CCDC93: variants seen among roughly 807,000 people sequenced by gnomAD.
CCDC93 encodes CCC complex scaffolding subunit CCDC93.
CCDC93 carries 61 observed loss-of-function variants against 108.2 expected under a neutral mutation model. The ratio of observed to expected loss-of-function variants is 0.56; its 90% CI spans 0.46 to 0.70. The LOEUF is 0.70. Among genes scored for constraint, CCDC93 ranks in the 30% least tolerant of loss-of-function variants. The probability of loss-of-function intolerance (pLI) is 0.00; values close to 1 mark genes in which losing one functional copy is unlikely to be tolerated. For synonymous variants in CCDC93, 276 were observed against 260.4 expected, an observed-to-expected ratio of 1.06 and a Z score of -0.58; for missense variants, 685 against 764.2, an observed-to-expected ratio of 0.90 and a Z score of 1.22.
At chr2:117,967,766 C>T (rs528141313) in intron 11 of CCDC93, among the ~76,000 whole-genome samples, 1 of 152,244 alleles carries the variant, frequency 6.6e-6, no homozygotes, top group South Asian at 2.1e-4. Context: ...TATAGAGCAC[C>T]AACACTGGTG....
chr2:118,013,311 C>T (rs889016828), intron 1 of CCDC93, among the ~76,000 whole-genome samples: 1 of 152,244 alleles, frequency 6.6e-6, no homozygotes, highest in Non-Finnish European at 1.5e-5. Flanking sequence ...GAGCCGGGTC[C>T]CCCGCCACAC....
chr2:117,935,436 G>A (rs1678490764), intron 22 of CCDC93, 59 bp downstream of exon 22: 3 of 1,310,758 alleles, frequency 2.3e-6, no homozygotes, highest in South Asian at 2.4e-5. Context: ...TTCTTCCCAG[G>A]ACCTTCCCTG....
chr2:117,926,703 G>A (rs1355054079), intron 23 of CCDC93, among the ~76,000 whole-genome samples: 3 of 152,166 alleles, frequency 2.0e-5, no homozygotes, highest in African/African-American at 7.2e-5. Context: ...AGGAGGAGCT[G>A]GTACCATTCC....
chr2:117,920,579 A>G (rs1056263348), intron 23 of CCDC93, among the ~76,000 whole-genome samples, 183 bp from the exon 24 acceptor site: 4 of 152,238 alleles, frequency 2.6e-5, no homozygotes, highest in African/African-American at 9.6e-5. Flanking sequence ...CAACACCAAT[A>G]TAACTATAAT....
intron 22 of CCDC93, among the ~76,000 whole-genome samples, chr2:117,933,105 G>A (rs554887022): frequency 1.3e-5 from 2 of 152,340 alleles, no homozygotes; most frequent in African/African-American, 4.8e-5. Flanking sequence ...GCCACTCACT[G>A]TGTATCCTTG....
Position 118,006,758 on chromosome 2 carries a change from A to G in CCDC93, c.215T>C (p.Leu72Ser). The G allele has an allele frequency of 1.2e-6, 2 of 1,612,784 alleles. No homozygotes were observed. Among genetic ancestry groups the G allele is most frequent in the Admixed American group, 3.3e-5 (2 of 60,030 alleles). The change falls in exon 3 of 24, where the codon TTG becomes TCG. Residue 72 changes from leucine to serine, a missense_variant. Coordinates refer to ENST00000376300, the MANE Select transcript of CCDC93 (RefSeq NM_019044.5). ...TATCGTAGAGTTTTCTTGAAAGAGC[A>G]AATCAACATCTACATCAAAGTTGCA... Reference protein sequence around the residue: ...TTCNFDVDVDLLFQENSTIGQ... With the variant: ...TTCNFDVDVDSLFQENSTIGQ...
At chr2:117,945,733 A>G in intron 16 of CCDC93, 151 bp from the exon 17 acceptor site, 1 of 651,514 alleles carries the variant, frequency 1.5e-6, no homozygotes, top group Non-Finnish European at 2.7e-6. Context: ...TGAAGAGAGC[A>G]GAAAGGGAAC....
intron 6 of CCDC93, among the ~76,000 whole-genome samples, chr2:117,994,820 G>C (rs534145213): frequency 1.3e-5 from 2 of 152,206 alleles, no homozygotes; most frequent in East Asian, 3.8e-4. Flanking sequence ...TTTCAGGAGA[G>C]AGAGACTGTG....
intron 6 of CCDC93, among the ~76,000 whole-genome samples, chr2:117,986,977 T>C (rs561180582): frequency 2.6e-5 from 4 of 151,062 alleles, no homozygotes; most frequent in African/African-American, 9.7e-5. Flanking sequence ...ACTGCTATTG[T>C]ACTTAGTTAC....
intron 20 of CCDC93, 112 bp downstream of exon 20, chr2:117,938,917 C>A (rs1249688256): frequency 3.3e-6 from 2 of 604,982 alleles, no homozygotes; most frequent in African/African-American, 1.9e-5. Context: ...AAAATAGGCA[C>A]TCTTTCTGCT....
At chr2:117,983,633 TATATA>T (rs1680220800) in intron 7 of CCDC93, among the ~76,000 whole-genome samples, 76 of 115,676 alleles carry the variant, frequency 6.6e-4, no homozygotes, top group African/African-American at 2.7e-3. Context: ...CTCAAAATTA[TATATA>T]TATATATATA....
At chr2:117,948,228 A>T in intron 14 of CCDC93, 42 bp from the exon 15 acceptor site, 3 of 1,444,016 alleles carry the variant, frequency 2.1e-6, no homozygotes, top group Non-Finnish European at 2.9e-6. Context: ...GCAGGCCATT[A>T]TGATTTTATG....
chr2:117,928,224 C>A (rs991266310), intron 23 of CCDC93, among the ~76,000 whole-genome samples: 1 of 152,194 alleles, frequency 6.6e-6, no homozygotes, highest in Non-Finnish European at 1.5e-5. Context: ...GTCTAACACA[C>A]CAACAGCAAT....
chr2:117,922,887 C>T (rs528194884), intron 23 of CCDC93, among the ~76,000 whole-genome samples: 3 of 152,208 alleles, frequency 2.0e-5, no homozygotes, highest in South Asian at 2.1e-4. Flanking sequence ...AAGTCCCTAT[C>T]GTCACCTCCT....
chr2:117,950,841 C>T, intron 13 of CCDC93: 1 of 985,384 alleles, frequency 1.0e-6, no homozygotes, highest in Non-Finnish European at 1.2e-6. Context: ...GCTCTGATGC[C>T]AGGCTGCCTG....
chr2:117,977,172 A>G (rs372124869), intron 8 of CCDC93, among the ~76,000 whole-genome samples: 1 of 152,012 alleles, frequency 6.6e-6, no homozygotes, highest in South Asian at 2.1e-4. Flanking sequence ...TCTCCTGACA[A>G]TAACTGAACT....
chr2:117,975,053 G>T, intron 9 of CCDC93, 135 bp downstream of exon 9: 1 of 1,040,346 alleles, frequency 9.6e-7, no homozygotes. Context: ...AAATGAAACT[G>T]GAAGGTGTGA....
chr2:117,991,886 T>A (rs1430171852), intron 6 of CCDC93, among the ~76,000 whole-genome samples: 1 of 152,200 alleles, frequency 6.6e-6, no homozygotes, highest in Non-Finnish European at 1.5e-5. Flanking sequence ...TTGTACTGAC[T>A]CACAAGAATA....
Position 117,931,048 on chromosome 2 carries a change from C to T in CCDC93, c.1831G>A (p.Glu611Lys). The T allele has an allele frequency of 6.2e-7, 1 of 1,608,674 alleles. No homozygotes were observed. The highest frequency in any genetic ancestry group is 1.3e-5 in the African/African-American group (1 of 74,936). ...AGCCTTCCTCTTACCTCCTTGAACT[C>T]TTTCACAGTCTTAAAGTATAGCCTC... is the stretch of plus-strand genomic sequence containing the variant. ...KQRLYFKTVK[E>K]FKEEGRKNEM... is the part of the protein sequence containing the mutation. Residue 611 changes from glutamate to lysine, a missense_variant, in exon 23 of 24, where the codon GAG becomes AAG. By Grantham distance (56) the Glu-to-Lys change is moderately conservative (BLOSUM62 1). Coordinates refer to ENST00000376300, the MANE Select transcript of CCDC93 (RefSeq NM_019044.5).
Sources: gnomAD v4.1 joint callset for allele counts (sites outside exome capture counted in the v4.1 genomes callset) on GRCh38, gnomAD v4.1.1 for gene constraint, MANE v1.5 for transcripts, NCBI Gene and HGNC (gene_info 2026-07-23, HGNC 2026-07-21) for gene names.